The following BMPR1B variants were observed in gnomAD, a reference collection of about 807,000 sequenced individuals.
BMPR1B encodes bone morphogenetic protein receptor type 1B, also known as bone morphogenetic protein receptor type-1B.
Under a neutral mutation model 59.1 loss-of-function variants are expected in BMPR1B, and 12 were observed. The observed-to-expected ratio is 0.20, with a 90% CI of 0.13 to 0.33. The LOEUF is 0.33. BMPR1B is among the 10% of genes least tolerant of loss of function. The probability of loss-of-function intolerance (pLI) is 1.00; values close to 1 mark genes in which losing one functional copy is unlikely to be tolerated. For missense variants in BMPR1B, 550 were observed against 610.9 expected, an observed-to-expected ratio of 0.90 and a Z score of 1.05; for synonymous variants, 237 against 207.3, an observed-to-expected ratio of 1.14 and a Z score of -1.23.
intron 1 of BMPR1B, among the ~76,000 whole-genome samples, chr4:94,861,924 G>T (rs911661546): frequency 6.6e-6 from 1 of 152,066 alleles, no homozygotes; most frequent in African/African-American, 2.4e-5. Flanking sequence ...ACCATCCCAA[G>T]TCTGAGTTTT....
At chr4:95,120,610 T>TTTCC (rs777085969) in intron 6 of BMPR1B, among the ~76,000 whole-genome samples, 26,315 of 122,528 alleles carry the variant, frequency 0.21, 3,399 homozygotes, top group South Asian at 0.29. Flanking sequence ...ATAGCCTGCC[T>TTTCC]TTCCTTCCTT....
intron 1 of BMPR1B, among the ~76,000 whole-genome samples, chr4:94,867,078 A>T (rs1010619251): frequency 3.3e-5 from 5 of 152,118 alleles, no homozygotes; most frequent in African/African-American, 4.8e-5. Flanking sequence ...TCTTATTTAT[A>T]TGACTTTCCC....
At position 95,093,196 on chromosome 4, in the gene BMPR1B, A is replaced by G. The variant is rs568753337; in HGVS notation, c.-17-11212A>G. On this transcript the variant is annotated intron_variant, in intron 3 of 12. Coordinates refer to ENST00000515059, the MANE Select transcript of BMPR1B (RefSeq NM_001203.3). ...ATCATGGTTACTTGCTTGTCAAGTT[A>G]ATTTTGTTCTTATATTGTTGCTTTT... Among the ~76,000 whole-genome samples, 4 of 152,166 alleles carry G rather than the reference A, an allele frequency of 2.6e-5. No individual in the cohort carries two copies. In the Middle Eastern group the frequency reaches 0.01, roughly 388 times the overall value.
intron 2 of BMPR1B, among the ~76,000 whole-genome samples, chr4:94,911,305 T>C (rs1309290752): frequency 1.3e-5 from 2 of 152,182 alleles, no homozygotes; most frequent in Non-Finnish European, 2.9e-5. Context: ...ATAGCAATTA[T>C]TAACTTTATC....
At chr4:94,830,022 A>G (rs984846453) in intron 1 of BMPR1B, among the ~76,000 whole-genome samples, 1 of 152,204 alleles carries the variant, frequency 6.6e-6, no homozygotes, top group African/African-American at 2.4e-5. Context: ...AATATTAGAA[A>G]TGAGACTTAT....
At chr4:95,087,692 A>G (rs1733710103) in intron 3 of BMPR1B, among the ~76,000 whole-genome samples, 1 of 152,130 alleles carries the variant, frequency 6.6e-6, no homozygotes, top group African/African-American at 2.4e-5. Flanking sequence ...TGATTGTGTC[A>G]CTGTACTCTA....
intron 1 of BMPR1B, among the ~76,000 whole-genome samples, chr4:94,821,837 T>C (rs757697291): frequency 5.3e-5 from 8 of 152,204 alleles, no homozygotes; most frequent in Non-Finnish European, 1.2e-4. Context: ...TAAATTCATG[T>C]CTTGTGTGTC....
chr4:94,920,776 A>G (rs909817998), intron 2 of BMPR1B, among the ~76,000 whole-genome samples: 7 of 152,346 alleles, frequency 4.6e-5, no homozygotes, highest in African/African-American at 1.7e-4. Context: ...AGAAATTCAA[A>G]TCACAAATAG....
intron 1 of BMPR1B, among the ~76,000 whole-genome samples, chr4:94,816,207 C>CA (rs1442625503): frequency 5.3e-5 from 8 of 152,270 alleles, no homozygotes; most frequent in African/African-American, 1.9e-4. Flanking sequence ...AGTGCAGTGG[C>CA]ACGATCTCAG....
intron 1 of BMPR1B, among the ~76,000 whole-genome samples, chr4:94,852,087 C>T (rs1725590147): frequency 1.3e-5 from 2 of 152,120 alleles, no homozygotes; most frequent in South Asian, 2.1e-4. Context: ...TTTCCCTTAC[C>T]TGTTTGTATT....
At chr4:94,790,347 G>A (rs140309895) in intron 1 of BMPR1B, among the ~76,000 whole-genome samples, 1 of 152,192 alleles carries the variant, frequency 6.6e-6, no homozygotes, top group Non-Finnish European at 1.5e-5. Context: ...TACTGTTGTT[G>A]TTGTAACATG....
chr4:95,103,848 G>T (rs1225811076), intron 3 of BMPR1B, among the ~76,000 whole-genome samples: 1 of 151,904 alleles, frequency 6.6e-6, no homozygotes, highest in Non-Finnish European at 1.5e-5. Context: ...CTAAGTTTTT[G>T]TCTTCTTACC....
intron 3 of BMPR1B, among the ~76,000 whole-genome samples, chr4:95,103,168 ATTTTT>A (rs1049420693): frequency 6.6e-6 from 1 of 151,880 alleles, no homozygotes; most frequent in African/African-American, 2.4e-5. Flanking sequence ...TCTTTCAACT[ATTTTT>A]TTCTGTAAGA....
At chr4:94,910,874 T>G (rs1382437894) in intron 2 of BMPR1B, among the ~76,000 whole-genome samples, 1 of 152,122 alleles carries the variant, frequency 6.6e-6, no homozygotes, top group Non-Finnish European at 1.5e-5. Flanking sequence ...ATGGTGCCAC[T>G]GAACTCTAGT....
chr4:94,758,488 G>T (rs561757048), intron 1 of BMPR1B, among the ~76,000 whole-genome samples: 1 of 152,018 alleles, frequency 6.6e-6, no homozygotes, highest in Non-Finnish European at 1.5e-5. Flanking sequence ...GGCGAGCTGA[G>T]GGCAGTCGCG....
chr4:94,895,160 A>G (rs1277591780), intron 2 of BMPR1B, among the ~76,000 whole-genome samples: 2 of 152,006 alleles, frequency 1.3e-5, no homozygotes, highest in African/African-American at 4.8e-5. Context: ...TTACAGTTGT[A>G]TGGCTAGTCC....
intron 1 of BMPR1B, among the ~76,000 whole-genome samples, chr4:94,864,428 C>T (rs6851515): frequency 0.07 from 10,645 of 151,940 alleles, 932 homozygotes; most frequent in African/African-American, 0.21. Flanking sequence ...GAGGGAAAGG[C>T]GGAGGTGTAG....
rs1432180616 is a variant in BMPR1B at position 95,148,935 on chromosome 4, T to G, written c.1252+12T>G. ...ATGTGTATCAGGAGGTAAGAAACAG[T>G]GCTGTCTTTGAAAAGCTACTATTGG... is the stretch of plus-strand genomic sequence containing the variant. On this transcript the variant is annotated intron_variant, in intron 11 of 12. Coordinates refer to ENST00000515059, the MANE Select transcript of BMPR1B (RefSeq NM_001203.3). The G allele has an allele frequency of 1.2e-6, 2 of 1,613,820 alleles. No individual in the cohort carries two copies. The highest frequency in any genetic ancestry group is 1.7e-6 in the Non-Finnish European group (2 of 1,179,738).
At position 95,098,409 on chromosome 4, in the gene BMPR1B, A is replaced by G. The variant is rs796548096; in HGVS notation, c.-17-5999A>G. 2.0e-5 allele frequency among the ~76,000 whole-genome samples: 3 copies of G among 152,186 alleles called. No homozygotes were observed. In the South Asian group the frequency reaches 6.2e-4, roughly 32 times the overall value. The stretch of plus-strand genomic sequence containing the variant: ...AGGCTGGATTTTGTACAACTTCAGT[A>G]TGACTTGATATTAAAGTGATCCTTG... On this transcript the variant is annotated intron_variant, in intron 3 of 12. Coordinates refer to ENST00000515059, the MANE Select transcript of BMPR1B (RefSeq NM_001203.3).
Sources: gnomAD v4.1 joint callset for allele counts (sites outside exome capture counted in the v4.1 genomes callset) on GRCh38, gnomAD v4.1.1 for gene constraint, MANE v1.5 for transcripts, NCBI Gene and HGNC (gene_info 2026-07-23, HGNC 2026-07-21) for gene names.